The following RPN1 variants were observed in gnomAD, a reference collection of about 807,000 sequenced individuals.
The protein encoded by RPN1 is ribophorin I.
RPN1 carries 12 observed loss-of-function variants against 55.5 expected under a neutral mutation model. That is an observed-to-expected ratio of 0.22 (90% CI 0.14 to 0.35). The LOEUF (loss-of-function observed/expected upper bound fraction) is 0.35, where lower values mean the gene tolerates loss of function less well. Among genes scored for constraint, RPN1 ranks in the 10% least tolerant of loss-of-function variants. The pLI, the probability that RPN1 is intolerant of heterozygous loss-of-function variation, is 1.00. For missense variants in RPN1, 679 were observed against 761.3 expected, an observed-to-expected ratio of 0.89 and a Z score of 1.27; for synonymous variants, 317 against 305.9, an observed-to-expected ratio of 1.04 and a Z score of -0.38.
At chr3:128,641,609 CTTTTTTTTT>C (rs200507415) in intron 2 of RPN1, among the ~76,000 whole-genome samples, 1 of 120,400 alleles carries the variant, frequency 8.3e-6, no homozygotes, top group Non-Finnish European at 1.7e-5. Context: ...TTTAGTGAAT[CTTTTTTTTT>C]TTTTTTTTTT....
intron 2 of RPN1, among the ~76,000 whole-genome samples, chr3:128,641,781 T>C (rs186912327): frequency 3.9e-4 from 59 of 152,136 alleles, no homozygotes; most frequent in African/African-American, 1.4e-3. Context: ...GCTAACTTTT[T>C]TGCATTTTTA....
At chr3:128,626,041 C>T (rs1344979147) in intron 6 of RPN1, 29 bp from the exon 7 acceptor site, 1 of 1,569,842 alleles carries the variant, frequency 6.4e-7, no homozygotes, top group South Asian at 1.2e-5. Flanking sequence ...AAAATATAGC[C>T]TCCAACCAAC....
At chr3:128,631,386 G>A (rs577345212) in intron 4 of RPN1, among the ~76,000 whole-genome samples, 1 of 151,614 alleles carries the variant, frequency 6.6e-6, no homozygotes, top group Non-Finnish European at 1.5e-5. Flanking sequence ...GCTGAGGCGG[G>A]AGAATTGCTT....
intron 2 of RPN1, among the ~76,000 whole-genome samples, chr3:128,640,468 TCTC>T (rs1355202582): frequency 6.6e-6 from 1 of 152,172 alleles, no homozygotes; most frequent in African/African-American, 2.4e-5. Flanking sequence ...AGCGGAATCT[TCTC>T]CTCAGGACAG....
At chr3:128,644,173 G>C (rs1378613883) in intron 2 of RPN1, among the ~76,000 whole-genome samples, 1 of 152,182 alleles carries the variant, frequency 6.6e-6, no homozygotes, top group Non-Finnish European at 1.5e-5. Context: ...ACAGCTTGGA[G>C]TTCTCACATA....
At chr3:128,646,155 G>A (rs981303859) in intron 1 of RPN1, among the ~76,000 whole-genome samples, 2 of 149,800 alleles carry the variant, frequency 1.3e-5, no homozygotes, top group East Asian at 2.0e-4. Context: ...TCTGGGAGAC[G>A]GAGGTTGCAG....
At chr3:128,639,439 CGA>C (rs1231664657) in intron 2 of RPN1, among the ~76,000 whole-genome samples, 7 of 125,808 alleles carry the variant, frequency 5.6e-5, no homozygotes, top group South Asian at 2.4e-4. Context: ...GGCGACAGAG[CGA>C]GATACCGTCT....
intron 1 of RPN1, 116 bp from the exon 2 acceptor site, chr3:128,645,099 T>C (rs2069756688): frequency 1.5e-6 from 1 of 651,868 alleles, no homozygotes; most frequent in Non-Finnish European, 2.7e-6. Flanking sequence ...ATCAGAACTT[T>C]TTAGAGATTG....
chr3:128,625,406 G>T lies in RPN1; in HGVS notation c.1395+128C>A, dbSNP rs1050692314. The T allele has an allele frequency of 4.2e-6, 6 of 1,419,922 alleles. No homozygotes were observed. In the African/African-American group the frequency reaches 8.5e-5, roughly 20 times the overall value. 88.0% of individuals were successfully genotyped at this position (1,419,922 alleles called of 1,614,324 possible). ...AAAAACAAAGTACCCTTCCGGCAAGGATGAGCACAGGCAGGGGTCTTTTGG... is the reference window on the plus strand; with the variant it reads ...AAAAACAAAGTACCCTTCCGGCAAGTATGAGCACAGGCAGGGGTCTTTTGG... On this transcript the variant is annotated intron_variant, in intron 8 of 9. Transcript: ENST00000296255.
At chr3:128,627,350 G>A (rs1160031748) in intron 5 of RPN1, 2 of 155,224 alleles carry the variant, frequency 1.3e-5, no homozygotes, top group Non-Finnish European at 2.9e-5. Flanking sequence ...AACATGATAG[G>A]GACAATGGAA....
Position 128,620,405 on chromosome 3 carries a change from C to T in RPN1, c.*6G>A. ...CCCTGGGCCCCCTGGAGGATGCGGGCAGGGGCTACAGGGCATCCAGGATGT... is the reference window on the plus strand; with the variant it reads ...CCCTGGGCCCCCTGGAGGATGCGGGTAGGGGCTACAGGGCATCCAGGATGT... On this transcript the variant is annotated 3_prime_UTR_variant, in exon 10 of 10. Coordinates refer to ENST00000296255, the MANE Select transcript of RPN1 (RefSeq NM_002950.4). 1 of 1,606,872 alleles carries T rather than the reference C, an allele frequency of 6.2e-7. No individual in the cohort carries two copies. The highest frequency in any genetic ancestry group is 1.3e-5 in the African/African-American group (1 of 74,900).
intron 4 of RPN1, among the ~76,000 whole-genome samples, chr3:128,630,791 T>C (rs1321725394): frequency 1.3e-5 from 2 of 152,230 alleles, no homozygotes; most frequent in Admixed American, 6.5e-5. Flanking sequence ...AATATGCTTT[T>C]CCTTTTTCTA....
chr3:128,620,134 T>A lies in RPN1; in HGVS notation c.*277A>T. ...CTTAGACTTCAGAACAGAATACCAA[T>A]CAAATATTGAAAATTCCTTTGTTCA... On this transcript the variant is annotated 3_prime_UTR_variant, in exon 10 of 10. Transcript: ENST00000296255. 3.5e-6 allele frequency: 1 copy of A among 287,822 alleles called. No homozygotes were observed. Among genetic ancestry groups the A allele is most frequent in the Non-Finnish European group, 6.4e-6 (1 of 155,862 alleles). The allele number at this position is 287,822 out of a possible 1,614,324, so 17.8% of individuals were successfully genotyped here.
intron 2 of RPN1, among the ~76,000 whole-genome samples, chr3:128,642,878 C>T (rs1456076224): frequency 4.0e-5 from 6 of 151,636 alleles, no homozygotes; most frequent in African/African-American, 9.7e-5. Flanking sequence ...ATTAACTGGG[C>T]GTGGTAGCAC....
rs1407930248 is a variant in RPN1, at chr3:128,637,788, C to T, written c.633+11G>A. ...GCAGACAGGGATGGGCTGGACTCCA[C>T]CTGAGCTTACCTGACTATAGGCAGG... On this transcript the variant is annotated intron_variant, in intron 3 of 9. Coordinates refer to ENST00000296255, the MANE Select transcript of RPN1 (RefSeq NM_002950.4). 6.2e-7 allele frequency: 1 copy of T among 1,607,984 alleles called. No homozygotes were observed. The highest frequency in any genetic ancestry group is 1.1e-5 in the South Asian group (1 of 90,884).
chr3:128,622,567 C>G (rs1021049661), intron 8 of RPN1, among the ~76,000 whole-genome samples, 158 bp from the exon 9 acceptor site: 1 of 152,094 alleles, frequency 6.6e-6, no homozygotes, highest in Non-Finnish European at 1.5e-5. Flanking sequence ...TAATCTGGAC[C>G]AGGTTCAGCA....
Position 128,626,845 on chromosome 3 carries a change from G to A in RPN1, c.1037-13C>T. ...GCATACTGGTCACCTGAAGGATCAA[G>A]CAAGCATAAGCAATGATGTGGAAAA... On this transcript the variant is annotated splice_polypyrimidine_tract_variant and intron_variant, in intron 5 of 9. Coordinates refer to ENST00000296255, the MANE Select transcript of RPN1 (RefSeq NM_002950.4). The A allele has an allele frequency of 6.2e-7, 1 of 1,608,414 alleles. No individual in the cohort carries two copies. Among genetic ancestry groups the A allele is most frequent in the South Asian group, 1.1e-5 (1 of 90,992 alleles).
intron 1 of RPN1, among the ~76,000 whole-genome samples, chr3:128,646,158 G>C (rs1394901783): frequency 6.7e-6 from 1 of 148,224 alleles, no homozygotes; most frequent in African/African-American, 2.5e-5. Flanking sequence ...GGGAGACGGA[G>C]GTTGCAGTGA....
At chr3:128,631,854 C>T (rs959137590) in intron 4 of RPN1, 94 bp downstream of exon 4, 6 of 1,358,802 alleles carry the variant, frequency 4.4e-6, no homozygotes, top group Non-Finnish European at 6.2e-6. Flanking sequence ...CCCTAAACAA[C>T]TGCCTAAATA....
Sources: gnomAD v4.1 joint callset for allele counts (sites outside exome capture counted in the v4.1 genomes callset) on GRCh38, gnomAD v4.1.1 for gene constraint, MANE v1.5 for transcripts, NCBI Gene and HGNC (gene_info 2026-07-23, HGNC 2026-07-21) for gene names.